The following SNTB1 variants were observed in gnomAD, a reference collection of about 807,000 sequenced individuals.
SNTB1 encodes beta-1-syntrophin.
SNTB1 carries 36 observed loss-of-function variants against 48.9 expected under a neutral mutation model. That is an observed-to-expected ratio of 0.74 (90% confidence interval 0.56 to 0.97). SNTB1 has a LOEUF of 0.97. Ranked by LOEUF, SNTB1 falls within the 50% of genes least tolerant of loss-of-function variation. The pLI is 0.00. For synonymous variants in SNTB1, 299 were observed against 294.6 expected, an observed-to-expected ratio of 1.01 and a Z score of -0.15; for missense variants, 786 against 703.4, an observed-to-expected ratio of 1.12 and a Z score of -1.33.
chr8:120,575,564 G>A (rs1426095458), intron 3 of SNTB1, among the ~76,000 whole-genome samples: 3 of 152,114 alleles, frequency 2.0e-5, no homozygotes, highest in African/African-American at 4.8e-5. Context: ...CTGATTCACT[G>A]GTACAGTAGC....
At chr8:120,795,949 CT>C (rs1378683951) in intron 1 of SNTB1, among the ~76,000 whole-genome samples, 6 of 152,020 alleles carry the variant, frequency 3.9e-5, no homozygotes, top group Non-Finnish European at 7.4e-5. Flanking sequence ...AGGGCCCACC[CT>C]AATGACCTCA....
chr8:120,676,761 AT>A (rs2129803513), intron 2 of SNTB1, among the ~76,000 whole-genome samples: 1 of 152,332 alleles, frequency 6.6e-6, no homozygotes, highest in African/African-American at 2.4e-5. Flanking sequence ...TGGTGGCACA[AT>A]TAAAACTAAA....
At chr8:120,626,198 T>C (rs1327170263) in intron 3 of SNTB1, among the ~76,000 whole-genome samples, 2 of 152,162 alleles carry the variant, frequency 1.3e-5, no homozygotes, top group Non-Finnish European at 1.5e-5. Flanking sequence ...TGTAAGAATA[T>C]AGACTATAGT....
intron 2 of SNTB1, among the ~76,000 whole-genome samples, chr8:120,646,738 T>A (rs1817303763): frequency 6.6e-6 from 1 of 152,166 alleles, no homozygotes; most frequent in Non-Finnish European, 1.5e-5. Context: ...TCAGAAGGAA[T>A]GGTACCAGTT....
At chr8:120,785,479 G>A (rs1339976661) in intron 1 of SNTB1, among the ~76,000 whole-genome samples, 1 of 152,192 alleles carries the variant, frequency 6.6e-6, no homozygotes, top group Non-Finnish European at 1.5e-5. Context: ...CGATCCCCAC[G>A]CAGATCATTT....
chr8:120,624,007 G>T (rs1415249184), intron 3 of SNTB1, among the ~76,000 whole-genome samples: 1 of 152,052 alleles, frequency 6.6e-6, no homozygotes, highest in Non-Finnish European at 1.5e-5. Context: ...GTGCAATCTT[G>T]GCTCACTGCA....
At chr8:120,612,735 T>A (rs557179471) in intron 3 of SNTB1, among the ~76,000 whole-genome samples, 1 of 152,276 alleles carries the variant, frequency 6.6e-6, no homozygotes, top group African/African-American at 2.4e-5. Flanking sequence ...GTATTTTTAG[T>A]AGAGACAAAA....
intron 2 of SNTB1, among the ~76,000 whole-genome samples, chr8:120,683,754 C>T (rs1309481128): frequency 6.6e-6 from 1 of 152,142 alleles, no homozygotes; most frequent in East Asian, 1.9e-4. Context: ...ACAGCTTGAC[C>T]TTCCAGTTCT....
intron 2 of SNTB1, among the ~76,000 whole-genome samples, chr8:120,659,148 G>A (rs547659017): frequency 3.9e-4 from 59 of 152,190 alleles, no homozygotes; most frequent in Non-Finnish European, 4.3e-4. Context: ...ATTTTTAGTA[G>A]AGACAGGGTT....
intron 3 of SNTB1, among the ~76,000 whole-genome samples, chr8:120,607,646 T>G (rs566545966): frequency 4.6e-5 from 7 of 152,280 alleles, no homozygotes; most frequent in Middle Eastern, 3.4e-3. Flanking sequence ...CTAACTTACA[T>G]CATTTTAAAT....
At chr8:120,762,397 T>A (rs1247021637) in intron 1 of SNTB1, among the ~76,000 whole-genome samples, 1 of 152,170 alleles carries the variant, frequency 6.6e-6, no homozygotes, top group Admixed American at 6.6e-5. Context: ...AGGAAACCCA[T>A]TTCCTTTATC....
rs7846519 is a variant in SNTB1 at position 120,595,434 on chromosome 8, T to G, written c.997-20209A>C. Among the ~76,000 whole-genome samples the G allele has an allele frequency of 2.0e-5, 3 of 151,916 alleles. 1 individual carries two copies. The highest frequency in any genetic ancestry group is 2.0e-4 in the Admixed American group (3 of 15,282). ...ACAGTTTACAAATGCCATGGCAACA[T>G]CAGGAAGTTACCCTATATGGTCTAA... is the stretch of plus-strand genomic sequence containing the variant. On this transcript the variant is annotated intron_variant, in intron 3 of 6. Transcript: ENST00000517992.
At chr8:120,634,315 T>G (rs1817037295) in intron 2 of SNTB1, among the ~76,000 whole-genome samples, 1 of 152,224 alleles carries the variant, frequency 6.6e-6, no homozygotes, top group African/African-American at 2.4e-5. Context: ...TCACTGAGAA[T>G]CTACTATGTG....
intron 3 of SNTB1, among the ~76,000 whole-genome samples, chr8:120,615,367 G>A (rs940361915): frequency 2.0e-5 from 3 of 152,268 alleles, no homozygotes; most frequent in Admixed American, 2.0e-4. Context: ...ATTCTCAGCT[G>A]AGGGCTCACC....
At chr8:120,548,132 CCTCTCCTCTCTATCT>C (rs1343217357) in intron 5 of SNTB1, among the ~76,000 whole-genome samples, 1 of 151,842 alleles carries the variant, frequency 6.6e-6, no homozygotes. Flanking sequence ...GCGGCACTTT[CCTCTCCTCTCTATCT>C]CTCTCCCCTC....
intron 2 of SNTB1, among the ~76,000 whole-genome samples, chr8:120,668,204 TC>T (rs1243526864): frequency 2.6e-5 from 4 of 152,168 alleles, no homozygotes; most frequent in African/African-American, 9.7e-5. Flanking sequence ...CTCCTGCGGT[TC>T]CCTCTCCCTG....
intron 1 of SNTB1, among the ~76,000 whole-genome samples, chr8:120,753,674 A>C (rs573321693): frequency 6.6e-6 from 1 of 152,310 alleles, no homozygotes; most frequent in East Asian, 1.9e-4. Context: ...GCAGCAGATA[A>C]GATCAGAGAA....
At chr8:120,669,630 T>C in intron 2 of SNTB1, among the ~76,000 whole-genome samples, 1 of 88,306 alleles carries the variant, frequency 1.1e-5, no homozygotes. Flanking sequence ...TTTTTTGTAT[T>C]TTTAGTAGAG....
rs544303408 is a variant in SNTB1, at chr8:120,670,186, C to T, written c.788+23506G>A. ...TTCAGCATGGATAACAAGAAGGATT[C>T]ATAGTTTGGTGGAGGAAATAGGCTT... On this transcript the variant is annotated intron_variant, in intron 2 of 6. Transcript: ENST00000517992. Among the ~76,000 whole-genome samples, 10 of 152,280 alleles carry T rather than the reference C, an allele frequency of 6.6e-5. No homozygotes were observed. In the South Asian group the frequency reaches 1.9e-3, roughly 28 times the overall value.
Sources: gnomAD v4.1 joint callset for allele counts (sites outside exome capture counted in the v4.1 genomes callset) on GRCh38, gnomAD v4.1.1 for gene constraint, MANE v1.5 for transcripts, NCBI Gene and HGNC (gene_info 2026-07-23, HGNC 2026-07-21) for gene names.